The following MYO3B variants were observed in gnomAD, a reference collection of about 807,000 sequenced individuals.
MYO3B encodes the protein myosin-IIIb.
Under a neutral mutation model 174.6 loss-of-function variants are expected in MYO3B, and 156 were observed. The observed-to-expected ratio is 0.89, with a 90% CI of 0.78 to 1.02. MYO3B has a LOEUF of 1.02. Ranked by LOEUF, MYO3B falls within the 50% of genes least tolerant of loss-of-function variation. MYO3B has a pLI of 0.00. For missense variants in MYO3B, 1,632 were observed against 1,639.4 expected (o/e 1.00, Z 0.08); for synonymous variants, 563 against 569.1 (o/e 0.99, Z 0.15).
intron 23 of MYO3B, among the ~76,000 whole-genome samples, chr2:170,462,755 C>T (rs1214231987): frequency 1.3e-5 from 2 of 152,256 alleles, no homozygotes; most frequent in Non-Finnish European, 2.9e-5. Context: ...CAGTCAGCCC[C>T]TACAATTGTT....
At chr2:170,594,835 A>G (rs1192368105) in intron 32 of MYO3B, among the ~76,000 whole-genome samples, 1 of 127,832 alleles carries the variant, frequency 7.8e-6, no homozygotes, top group Non-Finnish European at 1.5e-5. Flanking sequence ...GCGCACACAC[A>G]CACACACACA....
At chr2:170,601,651 C>T (rs1244943130) in intron 32 of MYO3B, 1 of 1,351,114 alleles carries the variant, frequency 7.4e-7, no homozygotes, top group Admixed American at 1.7e-5. Context: ...TCATAATCCT[C>T]TTCATCTTCT....
chr2:170,654,012 T>C lies in MYO3B; in HGVS notation c.*891T>C, dbSNP rs1056522316. ...AGCACAGGGCTTGGTAGAGGGTATA[T>C]CTAGTGAATGGAGAATACATGGAGA... On this transcript the variant is annotated 3_prime_UTR_variant, in exon 35 of 35. Coordinates refer to ENST00000408978, the MANE Select transcript of MYO3B (RefSeq NM_138995.5). 6.6e-6 allele frequency: 1 copy of C among 152,194 alleles called. No homozygotes were observed. Among genetic ancestry groups the C allele is most frequent in the Non-Finnish European group, 1.5e-5 (1 of 68,042 alleles). The allele number at this position is 152,194 out of a possible 1,614,324, so 9.4% of individuals were successfully genotyped here.
At chr2:170,215,024 C>A (rs1477443945) in intron 5 of MYO3B, among the ~76,000 whole-genome samples, 196 bp downstream of exon 5, 2 of 152,070 alleles carry the variant, frequency 1.3e-5, no homozygotes, top group Non-Finnish European at 2.9e-5. Context: ...CTAGTTTCAG[C>A]TTTAGAAGCA....
intron 28 of MYO3B, among the ~76,000 whole-genome samples, chr2:170,504,024 C>A (rs1248889976): frequency 6.6e-6 from 1 of 152,200 alleles, no homozygotes; most frequent in African/African-American, 2.4e-5. Context: ...CAAAGCAACT[C>A]ATTCCGACGT....
At chr2:170,517,877 G>A (rs1325937991) in intron 29 of MYO3B, among the ~76,000 whole-genome samples, 2 of 151,618 alleles carry the variant, frequency 1.3e-5, no homozygotes, top group East Asian at 3.9e-4. Context: ...AAAAGGCAGT[G>A]GGGGAAGGGA....
At chr2:170,182,994 T>C (rs2092421232) in intron 1 of MYO3B, among the ~76,000 whole-genome samples, 1 of 151,806 alleles carries the variant, frequency 6.6e-6, no homozygotes, top group Non-Finnish European at 1.5e-5. Flanking sequence ...CTGTGGCTCA[T>C]GCCTGTAATC....
At chr2:170,271,759 A>G (rs2093426640) in intron 7 of MYO3B, among the ~76,000 whole-genome samples, 1 of 152,214 alleles carries the variant, frequency 6.6e-6, no homozygotes, top group Non-Finnish European at 1.5e-5. Flanking sequence ...AAGAATTTTA[A>G]CCACAAACAA....
intron 22 of MYO3B, among the ~76,000 whole-genome samples, chr2:170,433,563 A>G (rs1404645143): frequency 6.6e-6 from 1 of 152,178 alleles, no homozygotes; most frequent in East Asian, 1.9e-4. Context: ...CTAGTAATAA[A>G]CCTTATCAAA....
chr2:170,604,728 C>T (rs1027040897), intron 32 of MYO3B, among the ~76,000 whole-genome samples: 2 of 151,306 alleles, frequency 1.3e-5, no homozygotes, highest in African/African-American at 4.9e-5. Flanking sequence ...CAAACAATTT[C>T]CTTCCAGAAA....
intron 29 of MYO3B, 44 bp from the exon 30 acceptor site, chr2:170,519,394 C>A (rs1317579078): frequency 3.3e-6 from 5 of 1,535,828 alleles, no homozygotes; most frequent in Non-Finnish European, 4.5e-6. Flanking sequence ...GCTAACCCTA[C>A]CTACTTCTGA....
chr2:170,649,679 T>G (rs1192954829), intron 32 of MYO3B, among the ~76,000 whole-genome samples: 2 of 150,518 alleles, frequency 1.3e-5, no homozygotes, highest in Non-Finnish European at 3.0e-5. Flanking sequence ...ATACAAAAAT[T>G]TGCTGGGTGT....
chr2:170,443,783 TATAA>T lies in MYO3B; in HGVS notation c.2651-179_2651-176del, dbSNP rs1336402632. On this transcript the variant is annotated intron_variant, in intron 22 of 34. Coordinates refer to ENST00000408978, the MANE Select transcript of MYO3B (RefSeq NM_138995.5). ...TATAAGTTACAAATTATTTTAAACT[TATAA>T]ATAATTATTATAATTTATAATTTAT... 1.2e-4 allele frequency among the ~76,000 whole-genome samples: 18 copies of T among 151,456 alleles called. No homozygotes were observed. In the South Asian group the frequency reaches 3.3e-3, roughly 28 times the overall value.
chr2:170,338,488 C>T (rs1391787732), intron 8 of MYO3B, among the ~76,000 whole-genome samples: 1 of 152,126 alleles, frequency 6.6e-6, no homozygotes, highest in Non-Finnish European at 1.5e-5. Flanking sequence ...GTGCTTCAAC[C>T]ATAAATTCTT....
intron 32 of MYO3B, among the ~76,000 whole-genome samples, chr2:170,599,680 G>T (rs1210947659): frequency 6.6e-6 from 1 of 152,050 alleles, no homozygotes; most frequent in Non-Finnish European, 1.5e-5. Context: ...CCTGGGAGGT[G>T]GAGGTTGTAG....
At chr2:170,500,722 A>T (rs887303562) in intron 27 of MYO3B, among the ~76,000 whole-genome samples, 1 of 152,214 alleles carries the variant, frequency 6.6e-6, no homozygotes. Flanking sequence ...CGCATCTCCC[A>T]GAATGACTGA....
At chr2:170,310,478 C>T (rs2093731057) in intron 7 of MYO3B, among the ~76,000 whole-genome samples, 2 of 151,938 alleles carry the variant, frequency 1.3e-5, no homozygotes, top group Non-Finnish European at 2.9e-5. Context: ...GCCTGGCCAT[C>T]GTGGCAAAAC....
At chr2:170,406,809 C>A (rs1462535240) in intron 21 of MYO3B, among the ~76,000 whole-genome samples, 1 of 152,146 alleles carries the variant, frequency 6.6e-6, no homozygotes, top group Non-Finnish European at 1.5e-5. Flanking sequence ...AGAAGGAATT[C>A]TCTGAGGGTG....
chr2:170,539,449 C>T (rs963059094), intron 30 of MYO3B, among the ~76,000 whole-genome samples: 1 of 152,084 alleles, frequency 6.6e-6, no homozygotes, highest in Non-Finnish European at 1.5e-5. Flanking sequence ...AATTGAGCAC[C>T]GGATTAAAAT....
Sources: allele counts gnomAD v4.1 joint callset (sites outside exome capture counted in the v4.1 genomes callset), GRCh38; gene constraint gnomAD v4.1.1; transcripts MANE v1.5; gene names NCBI Gene and HGNC (gene_info 2026-07-23, HGNC 2026-07-21).